The following WNT11 variants were observed in gnomAD, a reference collection of about 807,000 sequenced individuals.
WNT11 encodes Wnt family member 11.
A neutral mutation model predicts 35.6 loss-of-function variants in WNT11; 20 were observed. The ratio of observed to expected loss-of-function variants is 0.56; its 90% CI spans 0.40 to 0.82. WNT11 has a LOEUF of 0.82. WNT11 is among the 40% of genes least tolerant of loss of function. WNT11 has a pLI of 0.00. For missense variants in WNT11, 459 were observed against 504.4 expected (o/e 0.91, Z 0.86); for synonymous variants, 200 against 211.9 (o/e 0.94, Z 0.49).
rs1422989979 is a variant in WNT11, at chr11:76,191,566, G to A, written c.888C>T (p.Asp296=). ...ACCAAGGTGGCAGCAGGCCTCACCT[G>A]TCTTGTGTCCCGTGGGAGCCCACCT... ...NEKVGSHGTQ[D]RQCNKTSNGS... Residue 296 remains aspartate (D), a splice_region_variant and synonymous_variant, in exon 4 of 5, where the codon GAC becomes GAT. Coordinates refer to ENST00000322563, the MANE Select transcript of WNT11 (RefSeq NM_004626.3). 1.4e-5 allele frequency: 22 copies of A among 1,609,492 alleles called. No homozygotes were observed. Among genetic ancestry groups the A allele is most frequent in the Non-Finnish European group, 1.7e-5 (20 of 1,176,636 alleles).
At chr11:76,197,965 C>G (rs192666999) in intron 1 of WNT11, among the ~76,000 whole-genome samples, 154 of 152,306 alleles carry the variant, frequency 1.0e-3, no homozygotes, top group African/African-American at 3.6e-3. Context: ...AGCAGAGACC[C>G]AGGAGCGACA....
intron 1 of WNT11, among the ~76,000 whole-genome samples, chr11:76,203,277 G>A (rs1953412966): frequency 6.6e-6 from 1 of 152,224 alleles, no homozygotes; most frequent in Non-Finnish European, 1.5e-5. Flanking sequence ...CAGAACTCAG[G>A]CTGGGCCTTG....
At position 76,196,654 on chromosome 11, in the gene WNT11, C is replaced by T; in HGVS notation, c.148G>A (p.Gly50Ser). The change falls in exon 2 of 5, where the codon GGT becomes AGT. Residue 50 changes from glycine (G) to serine (S), a missense_variant. Coordinates refer to ENST00000322563, the MANE Select transcript of WNT11 (RefSeq NM_004626.3). The stretch of plus-strand genomic sequence containing the variant: ...AGCTGCACCTGTGCAGACACCAGAC[C>T]CTCCAGCTGCTTGCAGTGTTGCGTC... ...NQTQHCKQLEGLVSAQVQLCR... is the reference protein window; with the variant it reads ...NQTQHCKQLESLVSAQVQLCR... 1 of 1,613,676 alleles carries T rather than the reference C, an allele frequency of 6.2e-7. No individual in the cohort carries two copies. The highest frequency in any genetic ancestry group is 8.5e-7 in the Non-Finnish European group (1 of 1,180,012).
At chr11:76,203,679 C>T (rs1299109355) in intron 1 of WNT11, among the ~76,000 whole-genome samples, 2 of 152,248 alleles carry the variant, frequency 1.3e-5, no homozygotes, top group Admixed American at 1.3e-4. Flanking sequence ...CAGCCCCCAT[C>T]CCACCAGCTC....
chr11:76,194,182 C>G lies in WNT11; in HGVS notation c.597+385G>C, dbSNP rs1402222238. Among the ~76,000 whole-genome samples, 2 of 151,946 alleles carry G rather than the reference C, an allele frequency of 1.3e-5. No individual in the cohort carries two copies. Among genetic ancestry groups the G allele is most frequent in the Non-Finnish European group, 2.9e-5 (2 of 68,006 alleles). ...GGGAGGGACAGCTTGAGGAACATGA[C>G]AGATGGGGACTCAGCACCAGGTCAC... On this transcript the variant is annotated intron_variant, in intron 3 of 4. Coordinates refer to ENST00000322563, the MANE Select transcript of WNT11 (RefSeq NM_004626.3). This position sits in a 1 kb window ranked among gnomAD's most constrained non-coding sequence, Gnocchi z 5.4.
At chr11:76,190,660 AGG>A (rs1953169440) in intron 4 of WNT11, 1 of 152,202 alleles carries the variant, frequency 6.6e-6, no homozygotes, top group African/African-American at 2.4e-5. Context: ...GAATGCTATT[AGG>A]GGCTCCTTAA....
intron 1 of WNT11, among the ~76,000 whole-genome samples, chr11:76,197,206 T>TA (rs1565194524): frequency 1.5e-4 from 23 of 152,206 alleles, no homozygotes; most frequent in Non-Finnish European, 3.1e-4. Flanking sequence ...GCGCTACATG[T>TA]GGTAGGAGTT....
At chr11:76,210,320 G>A (rs979337667), upstream of WNT11, 7 of 589,302 alleles carry the variant, frequency 1.2e-5, no homozygotes, top group Non-Finnish European at 1.5e-5. Context: ...CGGGGGAAAG[G>A]TATGGAGGAG....
chr11:76,198,081 A>G (rs1171416307), intron 1 of WNT11, among the ~76,000 whole-genome samples: 1 of 152,222 alleles, frequency 6.6e-6, no homozygotes, highest in Non-Finnish European at 1.5e-5. Context: ...GGCAAGGTAG[A>G]GATCCCAGAA....
chr11:76,191,433 C>T (rs902159957), intron 4 of WNT11, 131 bp downstream of exon 4: 38 of 1,102,032 alleles, frequency 3.4e-5, no homozygotes, highest in Admixed American at 1.3e-4. Flanking sequence ...CTGGGGCCAA[C>T]TCTCTCAACT....
intron 2 of WNT11, chr11:76,195,187 C>A: frequency 3.0e-6 from 1 of 333,554 alleles, no homozygotes; most frequent in Non-Finnish European, 5.5e-6. Context: ...CAGACAAATG[C>A]ACAAAGGACC....
chr11:76,196,924 C>T (rs1359868190), intron 1 of WNT11, among the ~76,000 whole-genome samples: 2 of 152,272 alleles, frequency 1.3e-5, no homozygotes, highest in South Asian at 4.1e-4. Context: ...TTGGGCACAT[C>T]ACCGTCCCTC....
At chr11:76,193,307 T>G (rs924821558) in intron 3 of WNT11, among the ~76,000 whole-genome samples, 31 of 152,370 alleles carry the variant, frequency 2.0e-4, no homozygotes, top group African/African-American at 7.5e-4. Flanking sequence ...GGGCCTGATT[T>G]GCCCTGAGGC....
At chr11:76,196,396 C>T in intron 2 of WNT11, 87 bp downstream of exon 2, 1 of 1,393,452 alleles carries the variant, frequency 7.2e-7, no homozygotes, top group Non-Finnish European at 9.6e-7. Flanking sequence ...ACCCATGAAC[C>T]CATCCCTCCA....
upstream of WNT11, chr11:76,210,532 C>G: frequency 1.0e-6 from 1 of 985,266 alleles, no homozygotes; most frequent in Middle Eastern, 5.2e-4. Context: ...GCCCAGGGAG[C>G]GGCGAGTGCG....
Position 76,191,506 on chromosome 11 carries a change from G to A in WNT11, c.890+58C>T, listed in dbSNP as rs1953182932. ...CTGCTGTGTGCGTGACCCTGAGCTG[G>A]GGAACAGTATGTGCAACACCAGTGA... On this transcript the variant is annotated intron_variant, in intron 4 of 4. Coordinates refer to ENST00000322563, the MANE Select transcript of WNT11 (RefSeq NM_004626.3). 3 of 1,559,974 alleles carry A rather than the reference G, an allele frequency of 1.9e-6. No homozygotes were observed. In the Admixed American group the frequency reaches 5.1e-5, roughly 27 times the overall value.
In WNT11 at chr11:76,194,881, C is replaced by T. The variant is rs765253914; in HGVS notation, c.320-37G>A. On this transcript the variant is annotated intron_variant, in intron 2 of 4. Transcript: ENST00000322563. This position sits in a 1 kb window ranked among gnomAD's most constrained non-coding sequence, Gnocchi z 5.4. ...AGGGGAAGGTCAGCCGACGCTGATC[C>T]AGGGCTAGGACCCTGCCCAGGTCAG... is the stretch of plus-strand genomic sequence containing the variant. 2 of 1,467,100 alleles carry T rather than the reference C, an allele frequency of 1.4e-6. No homozygotes were observed. Among genetic ancestry groups the T allele is most frequent in the Non-Finnish European group, 1.8e-6 (2 of 1,114,290 alleles). 90.9% of individuals were successfully genotyped at this position (1,467,100 alleles called of 1,614,324 possible).
Position 76,187,245 on chromosome 11 carries a change from G to A in WNT11, c.891-6C>T. ...TGGATGTCTTGTTGCACTGCCTATT[G>A]TGGGGGCAGGAAGGAGGTCAGTGCA... On this transcript the variant is annotated splice_region_variant and splice_polypyrimidine_tract_variant and intron_variant, in intron 4 of 4. Transcript: ENST00000322563. 1 of 1,599,886 alleles carries A rather than the reference G, an allele frequency of 6.3e-7. No individual in the cohort carries two copies. Among genetic ancestry groups the A allele is most frequent in the Non-Finnish European group, 8.5e-7 (1 of 1,179,282 alleles).
chr11:76,206,351 G>A lies in WNT11; in HGVS notation c.57C>T (p.Thr19=). 2 of 1,573,128 alleles carry A rather than the reference G, an allele frequency of 1.3e-6. No individual in the cohort carries two copies. Among genetic ancestry groups the A allele is most frequent in the Non-Finnish European group, 1.7e-6 (2 of 1,164,400 alleles). ...GCCACTTGATGCCATAGCACACGCC[G>A]GTCTGGAGCGCCAGGGCGAAGAGCA... is the stretch of plus-strand genomic sequence containing the variant. The part of the protein sequence containing the change: ...EALLFALALQ[T]GVCYGIKWLA... Residue 19 remains threonine, a synonymous_variant, in exon 1 of 5, where the codon ACC becomes ACT. Transcript: ENST00000322563.
Sources: allele counts gnomAD v4.1 joint callset (sites outside exome capture counted in the v4.1 genomes callset), GRCh38; gene constraint gnomAD v4.1.1; non-coding constraint Gnocchi (gnomAD v3.1); transcripts MANE v1.5; gene names NCBI Gene and HGNC (gene_info 2026-07-23, HGNC 2026-07-21).